C3orf22: variants seen among roughly 807,000 people sequenced by gnomAD.
C3orf22 encodes the protein chromosome 3 open reading frame 22, also known as uncharacterized protein C3orf22.
In C3orf22, 7 loss-of-function variants were observed where a neutral mutation model predicts 10.8. The ratio of observed to expected loss-of-function variants is 0.65; its 90% CI spans 0.37 to 1.22. The LOEUF (loss-of-function observed/expected upper bound fraction) is 1.22. Among genes scored for constraint, C3orf22 ranks in the 50% most tolerant of loss-of-function variants. The probability of loss-of-function intolerance (pLI) is 0.02; values close to 1 mark genes in which losing one functional copy is unlikely to be tolerated. For missense variants in C3orf22, 173 were observed against 177.0 expected (o/e 0.98, Z 0.13); for synonymous variants, 79 against 78.9 (o/e 1.00, Z 0.00).
chr3:126,552,408 C>T (rs538932199), intron 2 of C3orf22, among the ~76,000 whole-genome samples: 2 of 152,290 alleles, frequency 1.3e-5, no homozygotes, highest in Middle Eastern at 3.4e-3. Context: ...GCACTTGAGC[C>T]CCTGGGTGCT....
intron 1 of C3orf22, among the ~76,000 whole-genome samples, 186 bp downstream of exon 1, chr3:126,558,441 G>A (rs181420796): frequency 1.3e-5 from 2 of 152,252 alleles, no homozygotes; most frequent in African/African-American, 4.8e-5. Flanking sequence ...CCTAGGTCAT[G>A]GAGATGACCC....
chr3:126,554,257 CTGT>C lies in C3orf22; in HGVS notation c.-40-830_-40-828del, dbSNP rs747189820. On this transcript the variant is annotated intron_variant, in intron 1 of 3. Coordinates refer to ENST00000318225, the MANE Select transcript of C3orf22 (RefSeq NM_152533.3). ...TACATTTTTTGTTTGTTTTGTTTTT[CTGT>C]TGTTTTTTTTTTTTTTTTTTTGAGA... is the stretch of plus-strand genomic sequence containing the variant. Among the ~76,000 whole-genome samples, 39 of 62,512 alleles carry C rather than the reference CTGT, an allele frequency of 6.2e-4. 2 individuals carry two copies. Among genetic ancestry groups the C allele is most frequent in the Middle Eastern group, 0.012 (1 of 86 alleles). The allele number at this position is 62,512 out of a possible 152,430, so 41.0% of individuals were successfully genotyped here. A position where few individuals can be genotyped will look rare whatever the true frequency, so the allele number is the denominator to read the frequency against.
intron 4 of C3orf22, among the ~76,000 whole-genome samples, chr3:126,539,200 T>C (rs1936868294): frequency 6.6e-6 from 1 of 152,176 alleles, no homozygotes; most frequent in African/African-American, 2.4e-5. Context: ...CTGGGATGAC[T>C]GCGAAGCCAG....
In C3orf22 at chr3:126,542,245, C is replaced by T. The variant is rs746870178; in HGVS notation, c.286+7292G>A. 2.3e-5 allele frequency: 35 copies of T among 1,533,418 alleles called. 1 individual carries two copies. The South Asian group carries it at 3.9e-4, about 17-fold the overall frequency. 95.0% of individuals were successfully genotyped at this position (1,533,418 alleles called of 1,614,324 possible). A position where few individuals can be genotyped will look rare whatever the true frequency, so the allele number is the denominator to read the frequency against. ...TGCGCTTCGCGGAGTTCCTGGCCTACCTGCTGGACCCGCGCACGCGGCGTG... is the reference window on the plus strand; with the variant it reads ...TGCGCTTCGCGGAGTTCCTGGCCTATCTGCTGGACCCGCGCACGCGGCGTG... On this transcript the variant is annotated intron_variant and NMD_transcript_variant, in intron 4 of 5. Coordinates refer to the C3orf22 transcript ENST00000505070.
chr3:126,529,298 C>T, exon 5 of C3orf22: 1 of 1,287,860 alleles, frequency 7.8e-7, no homozygotes, highest in Non-Finnish European at 1.0e-6. Flanking sequence ...AATCGCATGG[C>T]CTTGAGCAGC....
intron 4 of C3orf22, chr3:126,529,493 C>T (rs996345722): frequency 2.3e-6 from 2 of 887,718 alleles, no homozygotes; most frequent in Non-Finnish European, 3.1e-6. Context: ...CTGTTTCTGG[C>T]ACAGCAAGGA....
intron 4 of C3orf22, among the ~76,000 whole-genome samples, chr3:126,539,166 C>T (rs1382902524): frequency 1.3e-5 from 2 of 152,138 alleles, no homozygotes; most frequent in African/African-American, 4.8e-5. Flanking sequence ...AAGGAACCCC[C>T]ACCTTCCCAC....
chr3:126,539,473 GCACA>G (rs761229262), intron 4 of C3orf22, among the ~76,000 whole-genome samples: 2 of 140,390 alleles, frequency 1.4e-5, no homozygotes, highest in African/African-American at 2.6e-5. Context: ...CACACACACT[GCACA>G]CACACACACA....
rs766018349 is a variant in C3orf22 at position 126,552,014 on chromosome 3, C to A, written c.198G>T (p.Arg66Ser). 6.2e-7 allele frequency: 1 copy of A among 1,612,498 alleles called. No individual in the cohort carries two copies. The highest frequency in any genetic ancestry group is 8.5e-7 in the Non-Finnish European group (1 of 1,179,114). The change falls in exon 3 of 4, where the codon AGG (arginine) becomes AGT (serine). Residue 66 changes from arginine (R) to serine (S), a missense_variant. By Grantham distance (110) the Arg-to-Ser change is moderately radical. Coordinates refer to ENST00000318225, the MANE Select transcript of C3orf22 (RefSeq NM_152533.3). ...GGACTTACCCTCGGACTGGGATGGACCTCGTTGGCACCAACCTCTTCTGCA... is the reference window on the plus strand; with the variant it reads ...GGACTTACCCTCGGACTGGGATGGAACTCGTTGGCACCAACCTCTTCTGCA... ...LPLQKRLVPT[R>S]SIPVRGLGAP...
intron 4 of C3orf22, among the ~76,000 whole-genome samples, chr3:126,540,546 T>G (rs1023016174): frequency 1.8e-4 from 27 of 152,252 alleles, no homozygotes; most frequent in African/African-American, 6.5e-4. Context: ...TCAGCCCATG[T>G]GGCAGCATGT....
At chr3:126,531,626 G>A (rs980271021) in intron 4 of C3orf22, among the ~76,000 whole-genome samples, 1 of 152,164 alleles carries the variant, frequency 6.6e-6, no homozygotes, top group Non-Finnish European at 1.5e-5. Context: ...TCAGCCACAC[G>A]GAAGCATGAG....
At chr3:126,540,501 G>A (rs375852401) in intron 4 of C3orf22, among the ~76,000 whole-genome samples, 31 of 152,310 alleles carry the variant, frequency 2.0e-4, no homozygotes, top group African/African-American at 7.0e-4. Flanking sequence ...GTCCTTTTGT[G>A]ACTGTACTAT....
At chr3:126,535,728 A>G (rs1436441834) in intron 4 of C3orf22, among the ~76,000 whole-genome samples, 1 of 152,264 alleles carries the variant, frequency 6.6e-6, no homozygotes, top group Non-Finnish European at 1.5e-5. Context: ...GTGAAGCAGC[A>G]TATTCCCTGA....
downstream of C3orf22, among the ~76,000 whole-genome samples, chr3:126,547,290 A>G (rs1039710649): frequency 1.3e-5 from 2 of 152,146 alleles, no homozygotes; most frequent in Non-Finnish European, 2.9e-5. Context: ...TTGCTGCACC[A>G]TCTCTCTCCT....
intron 1 of C3orf22, among the ~76,000 whole-genome samples, chr3:126,555,542 G>C (rs1389464860): frequency 2.0e-5 from 3 of 152,150 alleles, no homozygotes; most frequent in African/African-American, 4.8e-5. Flanking sequence ...TCTCATAGGA[G>C]CGCAGGCCCC....
chr3:126,542,069 G>T (rs1161667430), intron 4 of C3orf22: 1 of 1,583,794 alleles, frequency 6.3e-7, no homozygotes, highest in South Asian at 1.1e-5. Context: ...CTTCCTGTTC[G>T]TGCGGGAGCC....
At chr3:126,549,613 A>G, downstream of C3orf22, 1 of 1,418,500 alleles carries the variant, frequency 7.0e-7, no homozygotes, top group Non-Finnish European at 9.4e-7. Context: ...CAACCCTGCA[A>G]GATTAAACAT....
At chr3:126,530,053 G>A (rs1936619741) in intron 4 of C3orf22, among the ~76,000 whole-genome samples, 1 of 152,220 alleles carries the variant, frequency 6.6e-6, no homozygotes, top group Non-Finnish European at 1.5e-5. Context: ...GGCCCTGTTT[G>A]GGGCCAGCCC....
At chr3:126,547,744 C>T (rs1456308969), downstream of C3orf22, among the ~76,000 whole-genome samples, 1 of 152,088 alleles carries the variant, frequency 6.6e-6, no homozygotes, top group Non-Finnish European at 1.5e-5. Context: ...AGGAGCCCTC[C>T]AACCAACCAA....
Sources: allele counts gnomAD v4.1 joint callset (sites outside exome capture counted in the v4.1 genomes callset), GRCh38; gene constraint gnomAD v4.1.1; transcripts MANE v1.5; gene names NCBI Gene and HGNC (gene_info 2026-07-23, HGNC 2026-07-21).